Variants in MDGA2 observed in about 807,000 individuals in gnomAD.
MDGA2 encodes the protein MAM domain containing glycosylphosphatidylinositol anchor 2, also known as MAM domain-containing glycosylphosphatidylinositol anchor protein 2.
Under a neutral mutation model 117.8 loss-of-function variants are expected in MDGA2, and 40 were observed. The ratio of observed to expected loss-of-function variants is 0.34; its 90% CI spans 0.26 to 0.44. MDGA2 has a LOEUF of 0.44. MDGA2 is among the 20% of genes least tolerant of loss of function. The pLI is 1.00. For missense variants in MDGA2, 1,123 were observed against 1,250.6 expected, an observed-to-expected ratio of 0.90 and a Z score of 1.54; for synonymous variants, 452 against 439.0, an observed-to-expected ratio of 1.03 and a Z score of -0.37.
At chr14:47,461,142 AG>A (rs1893474557) in intron 1 of MDGA2, among the ~76,000 whole-genome samples, 1 of 152,200 alleles carries the variant, frequency 6.6e-6, no homozygotes, top group African/African-American at 2.4e-5. Flanking sequence ...AACAGCTAAG[AG>A]GATAGGACCA....
intron 2 of MDGA2, among the ~76,000 whole-genome samples, chr14:47,242,585 G>T (rs1887084538): frequency 6.6e-6 from 1 of 151,992 alleles, no homozygotes; most frequent in Admixed American, 6.5e-5. Flanking sequence ...CTTAGCACCC[G>T]GGCCAGTGGC....
intron 8 of MDGA2, among the ~76,000 whole-genome samples, chr14:47,003,949 TTA>T (rs1366382686): frequency 6.6e-6 from 1 of 151,920 alleles, no homozygotes; most frequent in African/African-American, 2.4e-5. Context: ...AAATGATAAA[TTA>T]GACTGTATCA....
intron 1 of MDGA2, among the ~76,000 whole-genome samples, chr14:47,483,449 G>A (rs989754582): frequency 9.9e-5 from 15 of 151,954 alleles, no homozygotes; most frequent in African/African-American, 2.2e-4. Context: ...GTCCTGTCCC[G>A]TCATTCTCAT....
intron 9 of MDGA2, 34 bp from the exon 10 acceptor site, chr14:46,920,194 T>C (rs756476182): frequency 6.3e-7 from 1 of 1,596,994 alleles, no homozygotes; most frequent in Non-Finnish European, 8.5e-7. Context: ...ATTTGAATGA[T>C]GACATATTGT....
At chr14:47,564,384 G>A (rs1365877212) in intron 1 of MDGA2, among the ~76,000 whole-genome samples, 5 of 152,178 alleles carry the variant, frequency 3.3e-5, no homozygotes, top group South Asian at 2.1e-4. Context: ...ATGGTTCCAC[G>A]AGGCTGGGGA....
At chr14:47,293,140 T>C (rs555057964) in intron 2 of MDGA2, among the ~76,000 whole-genome samples, 1 of 152,304 alleles carries the variant, frequency 6.6e-6, no homozygotes, top group African/African-American at 2.4e-5. Context: ...ACTGCATTTC[T>C]CACAGTGAAT....
intron 5 of MDGA2, among the ~76,000 whole-genome samples, chr14:47,110,700 T>A (rs1016195638): frequency 6.6e-6 from 1 of 152,196 alleles, no homozygotes; most frequent in Non-Finnish European, 1.5e-5. Context: ...CTGTTTGCTC[T>A]TCTAAAAAGT....
At chr14:46,866,156 A>C (rs1390905723) in intron 14 of MDGA2, among the ~76,000 whole-genome samples, 1 of 152,140 alleles carries the variant, frequency 6.6e-6, no homozygotes, top group Non-Finnish European at 1.5e-5. Flanking sequence ...TCAAGGCTAC[A>C]GTAACCAAAA....
intron 2 of MDGA2, among the ~76,000 whole-genome samples, chr14:47,235,498 C>T (rs537904830): frequency 5.3e-5 from 8 of 152,224 alleles, no homozygotes; most frequent in South Asian, 4.1e-4. Context: ...TTGCTAAATG[C>T]GTAGATTAAT....
intron 2 of MDGA2, among the ~76,000 whole-genome samples, chr14:47,242,644 C>T (rs549516410): frequency 0.013 from 1,951 of 151,878 alleles, 71 homozygotes; most frequent in Middle Eastern, 0.038. Context: ...ACCAGCGCTG[C>T]GCTCGATTTC....
chr14:46,845,643 A>C, intron 16 of MDGA2, 123 bp downstream of exon 16: 1 of 588,354 alleles, frequency 1.7e-6, no homozygotes, highest in South Asian at 2.9e-5. Flanking sequence ...ATTACATATA[A>C]GAAATTTCTA....
At chr14:46,877,582 A>G in intron 11 of MDGA2, 73 bp from the exon 12 acceptor site, 3 of 1,118,810 alleles carry the variant, frequency 2.7e-6, no homozygotes, top group Non-Finnish European at 3.9e-6. Context: ...TTTATAAATA[A>G]AAGTCTAATC....
chr14:47,167,879 C>A (rs1177008763), intron 3 of MDGA2, among the ~76,000 whole-genome samples: 1 of 152,156 alleles, frequency 6.6e-6, no homozygotes, highest in African/African-American at 2.4e-5. Context: ...TGACTGCTGC[C>A]TGTGTAATGT....
At chr14:47,263,731 T>G (rs1294015726) in intron 2 of MDGA2, among the ~76,000 whole-genome samples, 1 of 152,168 alleles carries the variant, frequency 6.6e-6, no homozygotes, top group Non-Finnish European at 1.5e-5. Context: ...CAGAAGATGA[T>G]TTGCCTTGAC....
intron 2 of MDGA2, among the ~76,000 whole-genome samples, chr14:47,233,529 G>C (rs1282546939): frequency 6.6e-6 from 1 of 151,948 alleles, no homozygotes; most frequent in African/African-American, 2.4e-5. Context: ...TTTTCTTAAG[G>C]ATATCTCATT....
At chr14:47,325,781 G>C (rs1238710936) in intron 1 of MDGA2, among the ~76,000 whole-genome samples, 1 of 152,000 alleles carries the variant, frequency 6.6e-6, no homozygotes, top group Non-Finnish European at 1.5e-5. Context: ...ATAATAGGTG[G>C]GCCAAACGAG....
At chr14:47,530,336 AT>A (rs1055509884) in intron 1 of MDGA2, among the ~76,000 whole-genome samples, 17 of 152,050 alleles carry the variant, frequency 1.1e-4, no homozygotes, top group Non-Finnish European at 2.5e-4. Flanking sequence ...GTTTCTACTG[AT>A]TGTTTGTAAC....
At chr14:47,063,072 A>G (rs759646247) in intron 6 of MDGA2, among the ~76,000 whole-genome samples, 4 of 152,078 alleles carry the variant, frequency 2.6e-5, no homozygotes, top group African/African-American at 4.8e-5. Context: ...CTGCATATTC[A>G]TAGATTAGAG....
At chr14:47,142,809 C>T (rs1212345154) in intron 4 of MDGA2, among the ~76,000 whole-genome samples, 10 of 152,166 alleles carry the variant, frequency 6.6e-5, no homozygotes, top group Admixed American at 5.2e-4. Context: ...GAACAGGCTT[C>T]GTTTCAGTAC....
Sources: allele counts gnomAD v4.1 joint callset (sites outside exome capture counted in the v4.1 genomes callset), GRCh38; gene constraint gnomAD v4.1.1; transcripts MANE v1.5; gene names NCBI Gene and HGNC (gene_info 2026-07-23, HGNC 2026-07-21).